Variants in STX1B observed in about 807,000 individuals in gnomAD.
The protein encoded by STX1B is syntaxin 1B, also known as syntaxin-1B.
STX1B carries 7 observed loss-of-function variants against 39.4 expected under a neutral mutation model. The ratio of observed to expected loss-of-function variants is 0.18; its 90% CI spans 0.10 to 0.33. STX1B has a LOEUF of 0.33. Ranked by LOEUF, STX1B falls within the 10% of genes least tolerant of loss-of-function variation. The probability of loss-of-function intolerance (pLI) is 1.00; values close to 1 mark genes in which losing one functional copy is unlikely to be tolerated. For synonymous variants in STX1B, 136 were observed against 144.1 expected, an observed-to-expected ratio of 0.94 and a Z score of 0.40; for missense variants, 198 against 383.2, an observed-to-expected ratio of 0.52 and a Z score of 4.04.
chr16:30,993,575 T>C (rs2056575168), intron 7 of STX1B, 91 bp from the exon 8 acceptor site: 1 of 1,465,846 alleles, frequency 6.8e-7, no homozygotes, highest in African/African-American at 1.4e-5. Context: ...TCCGGTGTCA[T>C]TTACTAGCTG....
rs567215934 is a variant in STX1B at position 31,001,380 on chromosome 16, G to A, written c.105+149C>T. On this transcript the variant is annotated intron_variant, in intron 2 of 9. Coordinates refer to ENST00000215095, the MANE Select transcript of STX1B (RefSeq NM_052874.5). This position sits in a 1 kb window ranked among gnomAD's most constrained non-coding sequence, Gnocchi z 5.5. ...TGTCGGTGGCTAGGGGCTGGGTGCC[G>A]GGGCTGCGGCTGGGCGGTGGGACTA... 5.9e-5 allele frequency: 48 copies of A among 818,154 alleles called. No individual in the cohort carries two copies. Among genetic ancestry groups the A allele is most frequent in the Admixed American group, 2.3e-4 (10 of 43,890 alleles). The allele number at this position is 818,154 out of a possible 1,614,324, so 50.7% of individuals were successfully genotyped here.
rs537341635 is a variant in STX1B, at chr16:31,005,870, T to A, written c.31-4267A>T. 7.7e-4 allele frequency among the ~76,000 whole-genome samples: 117 copies of A among 152,288 alleles called. 1 individual carries two copies. Among genetic ancestry groups the A allele is most frequent in the African/African-American group, 2.8e-3 (115 of 41,566 alleles). ...CGCACATCAGATCCAAGCCTCCAGC[T>A]GCAGCCTGACCTCCTCAGGGGCCCC... On this transcript the variant is annotated intron_variant, in intron 1 of 9. Coordinates refer to ENST00000215095, the MANE Select transcript of STX1B (RefSeq NM_052874.5).
chr16:30,993,538 C>T (rs2056574912), intron 7 of STX1B, 54 bp from the exon 8 acceptor site: 1 of 1,603,868 alleles, frequency 6.2e-7, no homozygotes, highest in Admixed American at 1.7e-5. Flanking sequence ...TGAGCGCCTC[C>T]ACCGCAGTGG....
rs963924656 is a variant in STX1B, at chr16:30,997,613, G to C, written c.281-38C>G. 6 of 1,562,180 alleles carry C rather than the reference G, an allele frequency of 3.8e-6. No individual in the cohort carries two copies. In the African/African-American group the frequency reaches 4.1e-5, roughly 11 times the overall value. On this transcript the variant is annotated intron_variant, in intron 4 of 9. Transcript: ENST00000215095. The stretch of plus-strand genomic sequence containing the variant: ...GGGCGCAGCGATGGGCGGGAGACCC[G>C]GGGCACATGGGGCGAGGGTCCGGGG...
At chr16:31,008,176 T>C (rs554804600) in intron 1 of STX1B, among the ~76,000 whole-genome samples, 1 of 152,104 alleles carries the variant, frequency 6.6e-6, no homozygotes, top group African/African-American at 2.4e-5. Flanking sequence ...CCAGGCTCCT[T>C]GCTTTCAACT....
chr16:30,999,722 G>C (rs1345557795), intron 4 of STX1B, among the ~76,000 whole-genome samples: 1 of 152,212 alleles, frequency 6.6e-6, no homozygotes, highest in Non-Finnish European at 1.5e-5. Context: ...TGCCATGCCG[G>C]GGGCCTGCTC....
chr16:31,000,640 C>T (rs906657438), intron 4 of STX1B, among the ~76,000 whole-genome samples: 16 of 152,038 alleles, frequency 1.1e-4, no homozygotes, highest in African/African-American at 2.9e-4. Context: ...TACAGGCGCC[C>T]GCCACCACAC....
chr16:31,004,677 T>TAA (rs36004598), intron 1 of STX1B, among the ~76,000 whole-genome samples: 1 of 140,928 alleles, frequency 7.1e-6, no homozygotes, highest in Admixed American at 7.0e-5. Flanking sequence ...CCCCGTTTCT[T>TAA]AAAAAAAAAA....
At position 31,001,060 on chromosome 16, in the gene STX1B, C is replaced by T. The variant is rs1389762907; in HGVS notation, c.205+34G>A. On this transcript the variant is annotated intron_variant, in intron 3 of 9. Transcript: ENST00000215095. The surrounding 1 kb of genome is among the most constrained non-coding windows in gnomAD (Gnocchi z 5.5). ...GGGTGGGAACCCCAGGCCCCTTCTCCTCCCACCCCACAGTCACCGGCAGCC... is the reference window on the plus strand; with the variant it reads ...GGGTGGGAACCCCAGGCCCCTTCTCTTCCCACCCCACAGTCACCGGCAGCC... The T allele has an allele frequency of 1.9e-6, 3 of 1,613,640 alleles. No homozygotes were observed. The Admixed American group carries it at 5.0e-5, about 27-fold the overall frequency.
intron 1 of STX1B, among the ~76,000 whole-genome samples, chr16:31,003,581 C>T (rs1404471830): frequency 2.0e-5 from 3 of 152,194 alleles, no homozygotes; most frequent in Non-Finnish European, 4.4e-5. Flanking sequence ...CTTTCCTGTT[C>T]TCTGTGTCTC....
At chr16:30,997,167 TAAG>T in intron 5 of STX1B, 108 bp from the exon 6 acceptor site, 2 of 745,806 alleles carry the variant, frequency 2.7e-6, no homozygotes, top group Non-Finnish European at 4.7e-6. Flanking sequence ...ATGGGCGGAA[TAAG>T]GAGGAAGCGC....
At chr16:30,994,609 C>G (rs2056582084) in intron 7 of STX1B, among the ~76,000 whole-genome samples, 1 of 129,476 alleles carries the variant, frequency 7.7e-6, no homozygotes, top group African/African-American at 2.6e-5. Flanking sequence ...AAAAAGAAAG[C>G]CAGTGGGGAA....
chr16:30,995,726 G>T (rs978274387), intron 7 of STX1B, among the ~76,000 whole-genome samples: 20 of 151,898 alleles, frequency 1.3e-4, no homozygotes, highest in African/African-American at 4.6e-4. Flanking sequence ...CCTGACCTCA[G>T]GTGATCTACC....
intron 7 of STX1B, chr16:30,996,430 T>C (rs1404682835): frequency 4.7e-6 from 2 of 423,272 alleles, no homozygotes; most frequent in Non-Finnish European, 4.3e-6. Flanking sequence ...TCGAAGGGGA[T>C]GTGTGAGTAT....
At chr16:31,004,157 G>A (rs185236097) in intron 1 of STX1B, among the ~76,000 whole-genome samples, 3 of 152,338 alleles carry the variant, frequency 2.0e-5, no homozygotes, top group South Asian at 2.1e-4. Flanking sequence ...TATTTTTTGC[G>A]TAAGTCTTAC....
In STX1B at chr16:30,997,554, T is replaced by C; in HGVS notation, c.302A>G (p.Gln101Arg). ...GGAGGAACGGTTCAGCCCCTCCTCCTGTTCAATGCTTTGCTCGATCGCTGC... is the reference window on the plus strand; with the variant it reads ...GGAGGAACGGTTCAGCCCCTCCTCCCGTTCAATGCTTTGCTCGATCGCTGC... Reference protein sequence around the residue: ...KLKAIEQSIEQEEGLNRSSAD... With the variant: ...KLKAIEQSIEREEGLNRSSAD... The change falls in exon 5 of 10, where the codon CAG becomes CGG. Residue 101 changes from glutamine (Q) to arginine (R), a missense_variant. Physicochemically the swap from Gln to Arg is conservative, Grantham distance 43 (BLOSUM62 1). Transcript: ENST00000215095. 6.2e-7 allele frequency: 1 copy of C among 1,610,566 alleles called. No individual in the cohort carries two copies. The highest frequency in any genetic ancestry group is 8.5e-7 in the Non-Finnish European group (1 of 1,178,876).
rs2056541268 is a variant in STX1B, at chr16:30,989,866, C to T, written c.*2955G>A. The T allele has an allele frequency of 6.6e-6, 1 of 152,492 alleles. No individual in the cohort carries two copies. The highest frequency in any genetic ancestry group is 1.5e-5 in the Non-Finnish European group (1 of 68,184). 9.4% of individuals were successfully genotyped at this position (152,492 alleles called of 1,614,324 possible). A position where few individuals can be genotyped will look rare whatever the true frequency, so the allele number is the denominator to read the frequency against. On this transcript the variant is annotated 3_prime_UTR_variant, in exon 10 of 10. Transcript: ENST00000215095. Reference sequence around the variant, plus strand: ...GGGAAGAGGAGCACTGAGCCCTGGCCAGGCCCGGGACCACCCGCAGGGCAC... The same window carrying T: ...GGGAAGAGGAGCACTGAGCCCTGGCTAGGCCCGGGACCACCCGCAGGGCAC...
At chr16:30,993,634 T>G in intron 7 of STX1B, 150 bp from the exon 8 acceptor site, 11 of 885,970 alleles carry the variant, frequency 1.2e-5, no homozygotes, top group Admixed American at 1.0e-4. Flanking sequence ...TTTCCCCACC[T>G]AGAAAATGTG....
rs762943452 is a variant in STX1B at position 30,993,395 on chromosome 16, G to A, written c.627C>T (p.Arg209=). Residue 209 remains arginine, a synonymous_variant, in exon 8 of 10, where the codon CGC becomes CGT. Coordinates refer to ENST00000215095, the MANE Select transcript of STX1B (RefSeq NM_052874.5). Reference sequence around the variant, plus strand: ...TGTCCACAAACATATCGTGCAGCTCGCGGATGCTGGTCTCCAGCTTGATGA... The same window carrying A: ...TGTCCACAAACATATCGTGCAGCTCACGGATGCTGGTCTCCAGCTTGATGA... ...NEIIKLETSI[R]ELHDMFVDMA... 5.0e-6 allele frequency: 8 copies of A among 1,613,990 alleles called. No homozygotes were observed. Among genetic ancestry groups the A allele is most frequent in the African/African-American group, 1.3e-5 (1 of 74,900 alleles).
Sources: allele counts gnomAD v4.1 joint callset (sites outside exome capture counted in the v4.1 genomes callset), GRCh38; gene constraint gnomAD v4.1.1; non-coding constraint Gnocchi (gnomAD v3.1); transcripts MANE v1.5; gene names NCBI Gene and HGNC (gene_info 2026-07-23, HGNC 2026-07-21).